MIGA1: variants seen among roughly 807,000 people sequenced by gnomAD.
The protein encoded by MIGA1 is family with sequence similarity 73, member A.
MIGA1 carries 58 observed loss-of-function variants against 82.0 expected under a neutral mutation model. The observed-to-expected ratio is 0.71, with a 90% confidence interval of 0.57 to 0.88. The LOEUF is 0.88. Among genes scored for constraint, MIGA1 ranks in the 40% least tolerant of loss-of-function variants. The pLI is 0.00. For missense variants in MIGA1, 751 were observed against 749.1 expected (o/e 1.00, Z -0.03); for synonymous variants, 249 against 253.6 (o/e 0.98, Z 0.17).
At chr1:77,782,625 G>A (rs934136398) in intron 1 of MIGA1, among the ~76,000 whole-genome samples, 1 of 152,136 alleles carries the variant, frequency 6.6e-6, no homozygotes, top group African/African-American at 2.4e-5. Context: ...CTGCTTCTCT[G>A]TACTCATCTG....
At chr1:77,818,143 G>A (rs1379684527) in intron 7 of MIGA1, among the ~76,000 whole-genome samples, 1 of 144,626 alleles carries the variant, frequency 6.9e-6, no homozygotes, top group African/African-American at 2.6e-5. Context: ...TTTTTTTTGA[G>A]ACAGAGTTTT....
intron 8 of MIGA1, among the ~76,000 whole-genome samples, chr1:77,844,113 A>AAAAAAATATATATAT (rs1296124524): frequency 1.1e-5 from 1 of 90,156 alleles, no homozygotes; most frequent in African/African-American, 4.6e-5. Flanking sequence ...AAAAAAAAAA[A>AAAAAAATATATATAT]ATATATATAT....
rs138566472 is a variant in MIGA1, at chr1:77,806,853, T to C, written c.511-122T>C. 1,416 of 672,642 alleles carry C rather than the reference T, an allele frequency of 2.1e-3. 17 individuals are homozygous for C. In the African/African-American group the frequency reaches 0.022, roughly 11 times the overall value. 41.7% of individuals were successfully genotyped at this position (672,642 alleles called of 1,614,324 possible). ...TTATCATCAGAATTATTTCTTCATG[T>C]GGAAATTACATGGATTGTCTTACCA... On this transcript the variant is annotated intron_variant, in intron 4 of 15. Transcript: ENST00000370791.
At chr1:77,863,824 A>G (rs777391843) in intron 12 of MIGA1, 70 bp from the exon 13 acceptor site, 9 of 1,148,810 alleles carry the variant, frequency 7.8e-6, no homozygotes, top group Admixed American at 3.0e-5. Flanking sequence ...AAAACCATAA[A>G]GCCCTGGCTC....
chr1:77,811,172 C>T (rs1359120075), intron 5 of MIGA1: 7 of 1,521,552 alleles, frequency 4.6e-6, no homozygotes, highest in Middle Eastern at 3.4e-4. Context: ...GTATCTTGCA[C>T]AGGAGTTAAG....
rs9661498 is a variant in MIGA1 at position 77,785,783 on chromosome 1, C to T, written c.195+2432C>T. 7.3e-3 allele frequency among the ~76,000 whole-genome samples: 1,117 copies of T among 152,302 alleles called. 16 individuals carry two copies. Among genetic ancestry groups the T allele is most frequent in the African/African-American group, 0.025 (1,035 of 41,568 alleles). Reference sequence around the variant, plus strand: ...GCTTTGCAGGGTACAGCCTCCCTCCCGGCTGCTTTTATGGGCTGGCATTGA... The same window carrying T: ...GCTTTGCAGGGTACAGCCTCCCTCCTGGCTGCTTTTATGGGCTGGCATTGA... On this transcript the variant is annotated intron_variant, in intron 2 of 15. Transcript: ENST00000370791.
At chr1:77,823,109 G>A (rs1269951658) in intron 7 of MIGA1, among the ~76,000 whole-genome samples, 1 of 152,038 alleles carries the variant, frequency 6.6e-6, no homozygotes, top group Admixed American at 6.6e-5. Flanking sequence ...CCAAAGTGCT[G>A]GAATTACAGG....
At chr1:77,821,212 T>C (rs867412157) in intron 7 of MIGA1, among the ~76,000 whole-genome samples, 2 of 152,134 alleles carry the variant, frequency 1.3e-5, no homozygotes, top group East Asian at 1.9e-4. Context: ...GGTGAACTTA[T>C]GGTTAACTAA....
At chr1:77,837,883 A>G (rs983729235) in intron 7 of MIGA1, among the ~76,000 whole-genome samples, 4 of 152,204 alleles carry the variant, frequency 2.6e-5, no homozygotes, top group Non-Finnish European at 5.9e-5. Context: ...ATTATTTTCA[A>G]TTTGCTGTTA....
At chr1:77,827,670 A>G (rs1418036084) in intron 7 of MIGA1, among the ~76,000 whole-genome samples, 1 of 152,124 alleles carries the variant, frequency 6.6e-6, no homozygotes, top group African/African-American at 2.4e-5. Context: ...CTTTCTCTAG[A>G]AAGTCTGCGA....
intron 5 of MIGA1, among the ~76,000 whole-genome samples, chr1:77,808,393 C>A (rs564569259): frequency 9.4e-4 from 143 of 152,220 alleles, no homozygotes; most frequent in African/African-American, 3.3e-3. Flanking sequence ...GACCATTATT[C>A]AGCCTACTAC....
Position 77,845,821 on chromosome 1 carries a change from A to G in MIGA1, c.996+2414A>G, listed in dbSNP as rs1684816714. 2.6e-5 allele frequency among the ~76,000 whole-genome samples: 4 copies of G among 152,334 alleles called. No individual in the cohort carries two copies. The South Asian group carries it at 6.2e-4, about 24-fold the overall frequency. ...GGATTACCAGAAAGATTTCTTGCCTAGTTAGATTAAAACAATTTCTGGTAT... is the reference window on the plus strand; with the variant it reads ...GGATTACCAGAAAGATTTCTTGCCTGGTTAGATTAAAACAATTTCTGGTAT... On this transcript the variant is annotated intron_variant, in intron 8 of 15. Coordinates refer to ENST00000370791, the MANE Select transcript of MIGA1 (RefSeq NM_198549.4).
intron 12 of MIGA1, 44 bp downstream of exon 12, chr1:77,861,366 G>C (rs764396624): frequency 7.8e-7 from 1 of 1,286,390 alleles, no homozygotes; most frequent in Admixed American, 1.8e-5. Context: ...TTAGTTATTT[G>C]CATGTAATTT....
rs2101890399 is a variant in MIGA1, at chr1:77,843,418, T to C, written c.996+11T>C. ...GCTTCCGCAGCAGAGGTAGGACATA[T>C]GTGTTCCTAATGAGGATTTCTGTTT... On this transcript the variant is annotated intron_variant, in intron 8 of 15. Coordinates refer to ENST00000370791, the MANE Select transcript of MIGA1 (RefSeq NM_198549.4). 6 of 1,601,502 alleles carry C rather than the reference T, an allele frequency of 3.7e-6. No individual in the cohort carries two copies. The highest frequency in any genetic ancestry group is 3.3e-4 in the Middle Eastern group (2 of 6,042).
chr1:77,868,126 A>G (rs962232478), intron 14 of MIGA1: 18 of 152,242 alleles, frequency 1.2e-4, no homozygotes, highest in Non-Finnish European at 2.5e-4. Context: ...GCTTAATTTA[A>G]ACATTAAACA....
intron 1 of MIGA1, 145 bp downstream of exon 1, chr1:77,779,881 C>T: frequency 4.2e-6 from 6 of 1,422,434 alleles, no homozygotes; most frequent in Non-Finnish European, 5.5e-6. Context: ...CCAGGTGGAG[C>T]GGCGGAAAGC....
chr1:77,811,666 G>T, intron 5 of MIGA1: 2 of 1,612,062 alleles, frequency 1.2e-6, no homozygotes, highest in South Asian at 2.2e-5. Flanking sequence ...TAGATGTCTT[G>T]CTAATATCTG....
intron 7 of MIGA1, among the ~76,000 whole-genome samples, chr1:77,841,948 ATTTT>A (rs1176838372): frequency 8.2e-6 from 1 of 121,242 alleles, no homozygotes; most frequent in South Asian, 2.6e-4. Flanking sequence ...ACACCTGGCT[ATTTT>A]TTTTTTTTTT....
rs1646919368 is a variant in MIGA1 at position 77,879,507 on chromosome 1, A to G, written c.*4443A>G. On this transcript the variant is annotated 3_prime_UTR_variant, in exon 16 of 16. Transcript: ENST00000370791. ...AAAATAAGCACTGTAACATGGATGT[A>G]TTACTATTACTGCCAAATAAAAAAG... 1 of 152,200 alleles carries G rather than the reference A, an allele frequency of 6.6e-6. No homozygotes were observed. The highest frequency in any genetic ancestry group is 1.5e-5 in the Non-Finnish European group (1 of 68,024). The allele number at this position is 152,200 out of a possible 1,614,324, so 9.4% of individuals were successfully genotyped here. A position where few individuals can be genotyped will look rare whatever the true frequency, so the allele number is the denominator to read the frequency against.
Sources: gnomAD v4.1 joint callset for allele counts (sites outside exome capture counted in the v4.1 genomes callset) on GRCh38, gnomAD v4.1.1 for gene constraint, MANE v1.5 for transcripts, NCBI Gene and HGNC (gene_info 2026-07-23, HGNC 2026-07-21) for gene names.